DGKI: variants seen among roughly 807,000 people sequenced by gnomAD.
DGKI encodes the protein DAG kinase iota.
Under a neutral mutation model 147.5 loss-of-function variants are expected in DGKI, and 55 were observed. The observed-to-expected ratio is 0.37, with a 90% CI of 0.30 to 0.47. The LOEUF (loss-of-function observed/expected upper bound fraction) is 0.47, where lower values mean the gene tolerates loss of function less well. Ranked by LOEUF, DGKI falls within the 20% of genes least tolerant of loss-of-function variation. DGKI has a pLI of 1.00. For missense variants in DGKI, 1,007 were observed against 1,323.8 expected (o/e 0.76, Z 3.71); for synonymous variants, 469 against 477.1 (o/e 0.98, Z 0.22).
At chr7:137,737,639 T>C (rs944447350) in intron 1 of DGKI, among the ~76,000 whole-genome samples, 1 of 152,164 alleles carries the variant, frequency 6.6e-6, no homozygotes, top group Non-Finnish European at 1.5e-5. Flanking sequence ...ACATCTCCTG[T>C]TTCCCTACAT....
intron 21 of DGKI, among the ~76,000 whole-genome samples, chr7:137,517,807 T>C (rs1175603391): frequency 1.3e-5 from 2 of 152,164 alleles, no homozygotes; most frequent in Non-Finnish European, 2.9e-5. Flanking sequence ...TCATCCTATA[T>C]GGGCATTCAG....
At chr7:137,582,039 C>G in intron 14 of DGKI, 111 bp from the exon 15 acceptor site, 1 of 708,346 alleles carries the variant, frequency 1.4e-6, no homozygotes, top group Non-Finnish European at 2.4e-6. Context: ...GGAGACAGAT[C>G]AGCCACAACT....
chr7:137,822,761 T>C (rs1035325835), intron 1 of DGKI, among the ~76,000 whole-genome samples: 1 of 151,118 alleles, frequency 6.6e-6, no homozygotes, highest in Non-Finnish European at 1.5e-5. Flanking sequence ...ATACCCTCAA[T>C]GAATAAAAGA....
chr7:137,567,864 C>T (rs894162111), intron 19 of DGKI, among the ~76,000 whole-genome samples: 7 of 151,924 alleles, frequency 4.6e-5, no homozygotes, highest in South Asian at 2.1e-4. Context: ...GATATATATG[C>T]TATGCATATG....
At chr7:137,515,999 A>T (rs1233812976) in intron 21 of DGKI, among the ~76,000 whole-genome samples, 1 of 152,122 alleles carries the variant, frequency 6.6e-6, no homozygotes, top group Non-Finnish European at 1.5e-5. Context: ...CAGAGGACAA[A>T]TTGACATCAT....
At position 137,451,927 on chromosome 7, in the gene DGKI, C is replaced by G. The variant is rs567081765; in HGVS notation, c.2736-7825G>C. ...AGCACCCATGGCCTTCCTACTTGGCCCTTCCTCAGAATGGCTACATCATTT... is the reference window on the plus strand; with the variant it reads ...AGCACCCATGGCCTTCCTACTTGGCGCTTCCTCAGAATGGCTACATCATTT... On this transcript the variant is annotated intron_variant, in intron 27 of 32. Transcript: ENST00000614521. 3.3e-5 allele frequency among the ~76,000 whole-genome samples: 5 copies of G among 152,128 alleles called. No homozygotes were observed. The Middle Eastern group carries it at 0.01, about 310-fold the overall frequency.
At chr7:137,591,343 T>A (rs1434823089) in intron 12 of DGKI, among the ~76,000 whole-genome samples, 1 of 152,220 alleles carries the variant, frequency 6.6e-6, no homozygotes, top group Admixed American at 6.5e-5. Context: ...TCCATCACCC[T>A]TGGAGTCATC....
chr7:137,775,978 C>T (rs1382336565), intron 1 of DGKI, among the ~76,000 whole-genome samples: 1 of 152,052 alleles, frequency 6.6e-6, no homozygotes, highest in Non-Finnish European at 1.5e-5. Context: ...CCTGCTTCAG[C>T]CTCCCGAGTA....
intron 28 of DGKI, among the ~76,000 whole-genome samples, chr7:137,438,588 A>G (rs1372199847): frequency 6.6e-6 from 1 of 152,144 alleles, no homozygotes; most frequent in Non-Finnish European, 1.5e-5. Flanking sequence ...GTTTAAGCGC[A>G]TGGATACGAG....
rs150602764 is a variant in DGKI, at chr7:137,449,060, G to A, written c.2736-4958C>T. On this transcript the variant is annotated intron_variant, in intron 27 of 32. Transcript: ENST00000614521. ...AATAATTAATATTGCTAAAATGTTC[G>A]TATTTTAAGCAACCTAGAGATTCTA... Among the ~76,000 whole-genome samples, 559 of 152,196 alleles carry A rather than the reference G, an allele frequency of 3.7e-3. 3 individuals carry two copies. Among genetic ancestry groups the A allele is most frequent in the African/African-American group, 0.011 (464 of 41,534 alleles).
At chr7:137,724,998 T>C (rs1585413474) in intron 1 of DGKI, among the ~76,000 whole-genome samples, 1 of 151,938 alleles carries the variant, frequency 6.6e-6, no homozygotes, top group East Asian at 1.9e-4. Context: ...CAGCCAGTGA[T>C]GGAGGAGGAA....
Position 137,656,560 on chromosome 7 carries a change from A to G in DGKI, c.607-20T>C, listed in dbSNP as rs1385904144. On this transcript the variant is annotated intron_variant, in intron 3 of 32. Coordinates refer to ENST00000614521, the MANE Select transcript of DGKI (RefSeq NM_001321708.2). ...TGATTTCTACAATATTCAATTCAAA[A>G]GACAAAAAAGAAATGTTAACAGTCT... The G allele has an allele frequency of 6.2e-7, 1 of 1,612,588 alleles. No individual in the cohort carries two copies. The highest frequency in any genetic ancestry group is 2.2e-5 in the East Asian group (1 of 44,894).
chr7:137,422,133 G>A (rs17169155), intron 28 of DGKI, among the ~76,000 whole-genome samples: 2 of 151,944 alleles, frequency 1.3e-5, no homozygotes, highest in Non-Finnish European at 2.9e-5. Flanking sequence ...TGATAGTAAC[G>A]CTTAGATAAG....
intron 1 of DGKI, among the ~76,000 whole-genome samples, chr7:137,845,598 T>G (rs193158796): frequency 6.6e-6 from 1 of 152,186 alleles, no homozygotes; most frequent in African/African-American, 2.4e-5. Flanking sequence ...GTCTTTATTC[T>G]TGCCTGCGGA....
At chr7:137,533,350 ATAGT>A (rs1401665940) in intron 20 of DGKI, among the ~76,000 whole-genome samples, 13 of 152,102 alleles carry the variant, frequency 8.5e-5, no homozygotes, top group Non-Finnish European at 1.6e-4. Flanking sequence ...CAAACACAAA[ATAGT>A]TAGATATTTT....
chr7:137,594,816 C>T (rs1229593086), intron 12 of DGKI, among the ~76,000 whole-genome samples: 1 of 152,078 alleles, frequency 6.6e-6, no homozygotes, highest in African/African-American at 2.4e-5. Context: ...TTTCATATAC[C>T]CCATGTTTTT....
chr7:137,841,495 T>C (rs758804631), intron 1 of DGKI, among the ~76,000 whole-genome samples: 2 of 152,208 alleles, frequency 1.3e-5, no homozygotes, highest in Non-Finnish European at 2.9e-5. Flanking sequence ...ATGCCATCAT[T>C]TATTTGCAGT....
intron 15 of DGKI, among the ~76,000 whole-genome samples, 184 bp from the exon 16 acceptor site, chr7:137,578,509 T>C (rs1158721062): frequency 6.6e-6 from 1 of 152,202 alleles, no homozygotes; most frequent in Non-Finnish European, 1.5e-5. Context: ...ACAGGGACAG[T>C]AATCCAGGAC....
At chr7:137,638,659 C>CACAT (rs1477787051) in intron 6 of DGKI, among the ~76,000 whole-genome samples, 2,397 of 64,142 alleles carry the variant, frequency 0.037, 727 homozygotes, top group African/African-American at 0.18. Flanking sequence ...TATATACACA[C>CACAT]ATATGTATAT....
Sources: gnomAD v4.1 joint callset for allele counts (sites outside exome capture counted in the v4.1 genomes callset) on GRCh38, gnomAD v4.1.1 for gene constraint, MANE v1.5 for transcripts, NCBI Gene and HGNC (gene_info 2026-07-23, HGNC 2026-07-21) for gene names.